The following CDH12 variants were observed in gnomAD, a reference collection of about 807,000 sequenced individuals.
CDH12 encodes the protein cadherin 12, also known as cadherin-12.
In CDH12, 41 loss-of-function variants were observed where a neutral mutation model predicts 74.1. That is an observed-to-expected ratio of 0.55 (90% CI 0.43 to 0.72). The LOEUF (loss-of-function observed/expected upper bound fraction) is 0.72, where lower values mean the gene tolerates loss of function less well. Among genes scored for constraint, CDH12 ranks in the 30% least tolerant of loss-of-function variants. The probability of loss-of-function intolerance (pLI) is 0.00; values close to 1 mark genes in which losing one functional copy is unlikely to be tolerated. For missense variants in CDH12, 945 were observed against 977.2 expected, an observed-to-expected ratio of 0.97 and a Z score of 0.44; for synonymous variants, 399 against 355.0, an observed-to-expected ratio of 1.12 and a Z score of -1.39.
chr5:22,327,426 CTCTGTGTGTGTGTGTG>C (rs1443194327), intron 3 of CDH12, among the ~76,000 whole-genome samples: 2 of 128,190 alleles, frequency 1.6e-5, no homozygotes, highest in African/African-American at 3.2e-5. Context: ...AAATTTGTGC[CTCTGTGTGTGTGTGTG>C]TGTGTGTGTG....
intron 1 of CDH12, among the ~76,000 whole-genome samples, chr5:22,634,795 A>G (rs1016540297): frequency 6.6e-6 from 1 of 152,152 alleles, no homozygotes; most frequent in African/African-American, 2.4e-5. Flanking sequence ...AACTTATCAA[A>G]ATAAGTGAAA....
chr5:22,726,315 G>C (rs1744161800), intron 1 of CDH12, among the ~76,000 whole-genome samples: 1 of 151,560 alleles, frequency 6.6e-6, no homozygotes, highest in South Asian at 2.1e-4. Flanking sequence ...TTTCAGATTG[G>C]CTTATTTCAC....
At chr5:22,307,873 G>GTTTTTTTTTTTTTTTTTT (rs35242143) in intron 3 of CDH12, among the ~76,000 whole-genome samples, 1 of 68,658 alleles carries the variant, frequency 1.5e-5, no homozygotes, top group Non-Finnish European at 2.4e-5. Context: ...CTTTCTTTTA[G>GTTTTTTTTTTTTTTTTTT]TTTTTTTTTT....
At chr5:22,580,524 CT>C in intron 1 of CDH12, 1 of 476,520 alleles carries the variant, frequency 2.1e-6, no homozygotes, top group South Asian at 1.6e-5. Context: ...TTCAGGAATA[CT>C]CTGGATGGTG....
At chr5:22,712,181 G>T (rs1743324069) in intron 1 of CDH12, among the ~76,000 whole-genome samples, 1 of 151,756 alleles carries the variant, frequency 6.6e-6, no homozygotes, top group East Asian at 1.9e-4. Flanking sequence ...AACATAATTT[G>T]AAATAATGCT....
chr5:22,090,336 G>T (rs1405495429), intron 4 of CDH12, among the ~76,000 whole-genome samples: 1 of 150,978 alleles, frequency 6.6e-6, no homozygotes, highest in Admixed American at 6.6e-5. Flanking sequence ...TACCTCAAAG[G>T]TTTAGAAGCC....
intron 13 of CDH12, among the ~76,000 whole-genome samples, chr5:21,758,698 T>C (rs1348457363): frequency 1.3e-5 from 2 of 152,116 alleles, no homozygotes; most frequent in Admixed American, 6.6e-5. Context: ...GCAAATGTAG[T>C]AGCGTTAGCA....
At chr5:21,874,114 T>C (rs901995438) in intron 6 of CDH12, among the ~76,000 whole-genome samples, 1 of 152,208 alleles carries the variant, frequency 6.6e-6, no homozygotes, top group Admixed American at 6.5e-5. Context: ...CCTTTGGGTA[T>C]ATACCCAGTA....
intron 4 of CDH12, among the ~76,000 whole-genome samples, chr5:22,140,763 C>T (rs1746744472): frequency 1.3e-5 from 2 of 152,220 alleles, no homozygotes; most frequent in Admixed American, 6.6e-5. Flanking sequence ...ATTTAGGACA[C>T]ACAGGTCACC....
At chr5:21,919,577 G>T (rs374721193) in intron 6 of CDH12, among the ~76,000 whole-genome samples, 7 of 151,624 alleles carry the variant, frequency 4.6e-5, no homozygotes, top group African/African-American at 1.7e-4. Flanking sequence ...TGTCATTTTC[G>T]CAGGCCAACC....
rs141207493 is a variant in CDH12, at chr5:22,356,663, T to C, written c.-333+48594A>G. Among the ~76,000 whole-genome samples the C allele has an allele frequency of 2.3e-4, 35 of 152,258 alleles. No homozygotes were observed. The East Asian group carries it at 6.6e-3, about 29-fold the overall frequency. On this transcript the variant is annotated intron_variant, in intron 3 of 14. Coordinates refer to ENST00000382254, the MANE Select transcript of CDH12 (RefSeq NM_004061.5). ...TGTCAGTATATTGGTTCAGGTCATATTGCTAATTAGTGCTGAACCATGATT... is the reference window on the plus strand; with the variant it reads ...TGTCAGTATATTGGTTCAGGTCATACTGCTAATTAGTGCTGAACCATGATT...
At chr5:22,453,828 A>G (rs1409236205) in intron 2 of CDH12, among the ~76,000 whole-genome samples, 1 of 152,000 alleles carries the variant, frequency 6.6e-6, no homozygotes, top group South Asian at 2.1e-4. Context: ...ATGTATATAT[A>G]TTTTTCCTTT....
chr5:22,159,124 T>C (rs1201350380), intron 4 of CDH12, among the ~76,000 whole-genome samples: 3 of 151,952 alleles, frequency 2.0e-5, no homozygotes, highest in Admixed American at 6.6e-5. Context: ...ATGAGGAATG[T>C]CATGTGCAAA....
chr5:22,547,341 A>C (rs1159126642), intron 1 of CDH12, among the ~76,000 whole-genome samples: 2 of 152,174 alleles, frequency 1.3e-5, no homozygotes, highest in African/African-American at 4.8e-5. Context: ...ATCTCTCTCA[A>C]AAAGCCAGTA....
intron 1 of CDH12, among the ~76,000 whole-genome samples, chr5:22,814,823 T>C (rs1749310086): frequency 6.6e-6 from 1 of 152,188 alleles, no homozygotes; most frequent in South Asian, 2.1e-4. Context: ...CAATGATTAA[T>C]AGATCATTGA....
At chr5:22,075,950 A>G (rs1160064554) in intron 5 of CDH12, among the ~76,000 whole-genome samples, 2 of 152,144 alleles carry the variant, frequency 1.3e-5, no homozygotes, top group Non-Finnish European at 2.9e-5. Context: ...ATATGTTTAT[A>G]CATACATATA....
intron 2 of CDH12, among the ~76,000 whole-genome samples, chr5:22,499,038 G>C (rs1344882805): frequency 1.3e-5 from 2 of 150,664 alleles, no homozygotes; most frequent in Non-Finnish European, 3.0e-5. Flanking sequence ...CAAGTACCGG[G>C]GATTACAGGC....
intron 5 of CDH12, among the ~76,000 whole-genome samples, chr5:22,040,959 ACACT>A (rs1739532041): frequency 6.6e-6 from 1 of 152,166 alleles, no homozygotes. Context: ...ACATACACAC[ACACT>A]ATTATGATTA....
At chr5:22,240,404 A>C (rs1752705782) in intron 3 of CDH12, among the ~76,000 whole-genome samples, 1 of 152,210 alleles carries the variant, frequency 6.6e-6, no homozygotes, top group Non-Finnish European at 1.5e-5. Flanking sequence ...GCGAGAAAGG[A>C]GGTAATTCTA....
Sources: allele counts gnomAD v4.1 joint callset (sites outside exome capture counted in the v4.1 genomes callset), GRCh38; gene constraint gnomAD v4.1.1; transcripts MANE v1.5; gene names NCBI Gene and HGNC (gene_info 2026-07-23, HGNC 2026-07-21).